ATP10B: variants seen among roughly 807,000 people sequenced by gnomAD.
ATP10B encodes the protein ATPase phospholipid transporting 10B (putative).
A neutral mutation model predicts 141.2 loss-of-function variants in ATP10B; 122 were observed. That is an observed-to-expected ratio of 0.86 (90% CI 0.75 to 1.00). The LOEUF (loss-of-function observed/expected upper bound fraction) is 1.00. Among genes scored for constraint, ATP10B ranks in the 50% least tolerant of loss-of-function variants. The probability of loss-of-function intolerance (pLI) is 0.00; values close to 1 mark genes in which losing one functional copy is unlikely to be tolerated. For synonymous variants in ATP10B, 685 were observed against 692.0 expected, an observed-to-expected ratio of 0.99 and a Z score of 0.16; for missense variants, 1,876 against 1,825.3, an observed-to-expected ratio of 1.03 and a Z score of -0.51.
At chr5:160,832,293 G>A (rs1775139221) in intron 1 of ATP10B, among the ~76,000 whole-genome samples, 1 of 152,082 alleles carries the variant, frequency 6.6e-6, no homozygotes, top group Admixed American at 6.6e-5. Context: ...GTAGTATTAT[G>A]TATTTAATAA....
At chr5:160,748,377 C>T (rs1473834196) in intron 2 of ATP10B, among the ~76,000 whole-genome samples, 1 of 152,176 alleles carries the variant, frequency 6.6e-6, no homozygotes, top group Non-Finnish European at 1.5e-5. Flanking sequence ...TTAATCTATC[C>T]ACTTCCTGAT....
intron 1 of ATP10B, among the ~76,000 whole-genome samples, chr5:160,789,059 G>T (rs1340724832): frequency 6.6e-6 from 1 of 152,068 alleles, no homozygotes; most frequent in African/African-American, 2.4e-5. Flanking sequence ...ATTTACTTTG[G>T]CCCCTTGATA....
Position 160,732,457 on chromosome 5 carries a change from G to T in ATP10B, c.-330-15423C>A, listed in dbSNP as rs202223192. 1.2e-4 allele frequency among the ~76,000 whole-genome samples: 18 copies of T among 152,236 alleles called. 1 individual carries two copies. The East Asian group carries it at 3.5e-3, about 29-fold the overall frequency. On this transcript the variant is annotated intron_variant, in intron 2 of 25. Transcript: ENST00000327245. ...GGTCTTACATTTAAGTCTTTAATCTGTTTTAAGTAGATTTTTTGAATATGG... is the reference window on the plus strand; with the variant it reads ...GGTCTTACATTTAAGTCTTTAATCTTTTTTAAGTAGATTTTTTGAATATGG...
chr5:160,867,200 G>GTATA, the ATP10B span, among the ~76,000 whole-genome samples: 1 of 64,788 alleles, frequency 1.5e-5, no homozygotes, highest in South Asian at 4.8e-4. Context: ...TCATATATAT[G>GTATA]CATATATATA....
Position 160,756,215 on chromosome 5 carries a change from A to G in ATP10B, c.-331+29344T>C, listed in dbSNP as rs369923775. Among the ~76,000 whole-genome samples, 17 of 152,008 alleles carry G rather than the reference A, an allele frequency of 1.1e-4. No homozygotes were observed. The East Asian group carries it at 2.9e-3, about 26-fold the overall frequency. On this transcript the variant is annotated intron_variant, in intron 2 of 25. Transcript: ENST00000327245. ...ATCTTAATTATTTTGAGTTTGATTC[A>G]TATTGTTGCATATGTAATTCTTTCC...
chr5:160,624,146 T>A (rs940355893), intron 13 of ATP10B, among the ~76,000 whole-genome samples: 2 of 152,222 alleles, frequency 1.3e-5, no homozygotes, highest in African/African-American at 4.8e-5. Context: ...TCTTGATTAA[T>A]TTGTGCAGGG....
At chr5:160,593,236 C>T (rs1229667094) in intron 22 of ATP10B, among the ~76,000 whole-genome samples, 2 of 152,218 alleles carry the variant, frequency 1.3e-5, no homozygotes, top group African/African-American at 4.8e-5. Flanking sequence ...GAGGAACAAT[C>T]AGACAGCAGC....
At chr5:160,589,737 TGG>T (rs2093892352) in intron 23 of ATP10B, 41 bp from the exon 24 acceptor site, 1 of 1,497,396 alleles carries the variant, frequency 6.7e-7, no homozygotes, top group African/African-American at 1.4e-5. Context: ...GGTATGTCTG[TGG>T]ACTAACTTTG....
chr5:160,763,133 G>A (rs1581484888), intron 2 of ATP10B, among the ~76,000 whole-genome samples: 1 of 152,018 alleles, frequency 6.6e-6, no homozygotes, highest in African/African-American at 2.4e-5. Context: ...TTCGGTACTC[G>A]ACTGACAGCA....
chr5:160,762,860 G>A (rs1370478580), intron 2 of ATP10B, among the ~76,000 whole-genome samples: 5 of 152,042 alleles, frequency 3.3e-5, no homozygotes, highest in Non-Finnish European at 7.4e-5. Context: ...AAGATAAAGG[G>A]ATGGAAAAAG....
At position 160,687,785 on chromosome 5, in the gene ATP10B, C is replaced by A. The variant is rs117979778; in HGVS notation, c.275+15G>T. On this transcript the variant is annotated intron_variant, in intron 5 of 25. Transcript: ENST00000327245. ...TTCTCTAAAAAGAGTATTGTTCAGA[C>A]AAGTGGATCTCTACCTATGAAATTG... is the stretch of plus-strand genomic sequence containing the variant. The A allele has an allele frequency of 6.2e-7, 1 of 1,609,934 alleles. No individual in the cohort carries two copies. The highest frequency in any genetic ancestry group is 8.5e-7 in the Non-Finnish European group (1 of 1,177,742).
At chr5:160,886,642 T>C in the ATP10B span, among the ~76,000 whole-genome samples, 1 of 152,188 alleles carries the variant, frequency 6.6e-6, no homozygotes, top group Admixed American at 6.5e-5. Context: ...AATTGGCTGA[T>C]CTGACCAACA....
the ATP10B span, among the ~76,000 whole-genome samples, chr5:160,877,705 A>G: frequency 1.2e-4 from 17 of 144,008 alleles, no homozygotes; most frequent in South Asian, 2.3e-4. Context: ...TACAAAATCA[A>G]TGTACAAAAA....
rs376437393 is a variant in ATP10B at position 160,631,858 on chromosome 5, G to C, written c.1620+271C>G. Among the ~76,000 whole-genome samples, 26 of 152,326 alleles carry C rather than the reference G, an allele frequency of 1.7e-4. 1 individual carries two copies. The highest frequency in any genetic ancestry group is 1.2e-3 in the East Asian group (6 of 5,182). On this transcript the variant is annotated intron_variant, in intron 13 of 25. Coordinates refer to ENST00000327245, the MANE Select transcript of ATP10B (RefSeq NM_025153.3). ...GTTGCCATGAGGAAATGCTGGCTTA[G>C]TGTGGAGAATTTTTATAATTCAATT...
At chr5:160,783,420 A>ATATC (rs1410590188) in intron 2 of ATP10B, among the ~76,000 whole-genome samples, 1 of 119,324 alleles carries the variant, frequency 8.4e-6, no homozygotes, top group Non-Finnish European at 1.7e-5. Flanking sequence ...ATCCATGGAT[A>ATATC]TATCCATGGA....
chr5:160,817,557 T>C (rs1191419510), intron 1 of ATP10B, among the ~76,000 whole-genome samples: 2 of 151,974 alleles, frequency 1.3e-5, no homozygotes, highest in South Asian at 4.2e-4. Flanking sequence ...CAATATCATG[T>C]AAATGGCCAT....
rs139761238 is a variant in ATP10B at position 160,698,688 on chromosome 5, G to GATAT, written c.-204-9749_-204-9746dup. Among the ~76,000 whole-genome samples the GATAT allele has an allele frequency of 4.6e-5, 7 of 151,556 alleles. No individual in the cohort carries two copies. The East Asian group carries it at 1.2e-3, about 25-fold the overall frequency. ...ACATAATAAAATGGTTGGGAGATGA[G>GATAT]ATATATATATATACATGGAAAGGTA... On this transcript the variant is annotated intron_variant, in intron 3 of 25. Coordinates refer to ENST00000327245, the MANE Select transcript of ATP10B (RefSeq NM_025153.3).
At chr5:160,746,670 G>A (rs938641633) in intron 2 of ATP10B, among the ~76,000 whole-genome samples, 1 of 152,136 alleles carries the variant, frequency 6.6e-6, no homozygotes, top group Non-Finnish European at 1.5e-5. Flanking sequence ...GGGATTACAG[G>A]TATGAGCCAC....
At chr5:160,909,067 C>A in the ATP10B span, among the ~76,000 whole-genome samples, 1 of 152,140 alleles carries the variant, frequency 6.6e-6, no homozygotes, top group Admixed American at 6.5e-5. Flanking sequence ...ATGGCACCTG[C>A]TCACCTTAAG....
Sources: gnomAD v4.1 joint callset for allele counts (sites outside exome capture counted in the v4.1 genomes callset) on GRCh38, gnomAD v4.1.1 for gene constraint, MANE v1.5 for transcripts, NCBI Gene and HGNC (gene_info 2026-07-23, HGNC 2026-07-21) for gene names.